The following FGGY variants were observed in gnomAD, a reference collection of about 807,000 sequenced individuals.
FGGY encodes the protein FGGY carbohydrate kinase domain containing.
In FGGY, 72 loss-of-function variants were observed where a neutral mutation model predicts 71.3. That is an observed-to-expected ratio of 1.01 (90% CI 0.84 to 1.23). FGGY has a LOEUF of 1.23. Ranked by LOEUF, FGGY falls within the 50% of genes most tolerant of loss-of-function variation. FGGY has a pLI of 0.00. For synonymous variants in FGGY, 251 were observed against 250.3 expected (o/e 1.00, Z -0.02); for missense variants, 668 against 682.3 (o/e 0.98, Z 0.23).
At chr1:59,479,276 G>A (rs567255554) in intron 6 of FGGY, among the ~76,000 whole-genome samples, 76 of 152,028 alleles carry the variant, frequency 5.0e-4, no homozygotes, top group African/African-American at 1.7e-3. Flanking sequence ...AGTGTGGGGG[G>A]AGAGAGAGAG....
chr1:59,425,951 A>G (rs2066289078), intron 5 of FGGY, among the ~76,000 whole-genome samples: 1 of 151,602 alleles, frequency 6.6e-6, no homozygotes, highest in Admixed American at 6.6e-5. Flanking sequence ...CACAATTCAT[A>G]TTTTTTTTTA....
At chr1:59,443,454 C>G (rs770010597) in intron 5 of FGGY, among the ~76,000 whole-genome samples, 9 of 152,106 alleles carry the variant, frequency 5.9e-5, no homozygotes, top group African/African-American at 1.2e-4. Context: ...TCCCCACCCC[C>G]CAACTAGTGG....
intron 5 of FGGY, among the ~76,000 whole-genome samples, chr1:59,417,348 G>T (rs1323175477): frequency 6.6e-6 from 1 of 152,166 alleles, no homozygotes; most frequent in African/African-American, 2.4e-5. Flanking sequence ...TGGACATTTA[G>T]ATTGTTTCAC....
intron 11 of FGGY, among the ~76,000 whole-genome samples, chr1:59,643,731 C>T (rs1220069390): frequency 6.6e-6 from 1 of 152,088 alleles, no homozygotes; most frequent in Non-Finnish European, 1.5e-5. Context: ...TTTAAATTTA[C>T]TCTATAGGAA....
chr1:59,376,133 A>G (rs1362809137), intron 4 of FGGY, among the ~76,000 whole-genome samples: 1 of 152,172 alleles, frequency 6.6e-6, no homozygotes, highest in East Asian at 1.9e-4. Flanking sequence ...CTCAAAGGCT[A>G]CCATTTTCTG....
At chr1:59,489,675 A>G (rs1206876828) in intron 6 of FGGY, among the ~76,000 whole-genome samples, 2 of 152,188 alleles carry the variant, frequency 1.3e-5, no homozygotes, top group Non-Finnish European at 2.9e-5. Flanking sequence ...GCTGCAGTAA[A>G]TGGGAGTAAA....
chr1:59,322,407 C>G, intron 2 of FGGY, among the ~76,000 whole-genome samples: 1 of 151,738 alleles, frequency 6.6e-6, no homozygotes, highest in East Asian at 1.9e-4. Context: ...GCAGTGTACA[C>G]TGTACCCAAT....
intron 6 of FGGY, among the ~76,000 whole-genome samples, chr1:59,472,546 CCT>C (rs2093013518): frequency 6.6e-6 from 1 of 152,264 alleles, no homozygotes; most frequent in African/African-American, 2.4e-5. Flanking sequence ...CAGCTGGGCT[CCT>C]GAGTCTGGTG....
At chr1:59,462,879 C>A (rs1055757062) in intron 6 of FGGY, among the ~76,000 whole-genome samples, 2 of 151,578 alleles carry the variant, frequency 1.3e-5, no homozygotes, top group African/African-American at 2.4e-5. Flanking sequence ...ACTAGTTCAA[C>A]CATTGTGGAA....
intron 14 of FGGY, among the ~76,000 whole-genome samples, chr1:59,723,563 T>G (rs58813655): frequency 0.027 from 3,431 of 128,942 alleles, 94 homozygotes; most frequent in African/African-American, 0.074. Context: ...TGTTTTTTTT[T>G]GGGGGGGGGT....
chr1:59,555,650 T>G (rs1167136243), intron 8 of FGGY, among the ~76,000 whole-genome samples: 1 of 152,154 alleles, frequency 6.6e-6, no homozygotes, highest in East Asian at 1.9e-4. Context: ...GGAAATAGAT[T>G]TCCTTCTGTT....
intron 8 of FGGY, among the ~76,000 whole-genome samples, chr1:59,588,205 T>C (rs1251259188): frequency 2.6e-5 from 4 of 151,940 alleles, no homozygotes; most frequent in Non-Finnish European, 5.9e-5. Flanking sequence ...GGATGGAAGA[T>C]GAAGCGAATG....
At chr1:59,622,515 A>G (rs1024857079) in intron 9 of FGGY, among the ~76,000 whole-genome samples, 1 of 152,160 alleles carries the variant, frequency 6.6e-6, no homozygotes, top group Admixed American at 6.6e-5. Flanking sequence ...TGTGATGAAC[A>G]TGTCCTAAAA....
intron 5 of FGGY, among the ~76,000 whole-genome samples, chr1:59,397,206 A>C (rs985436340): frequency 2.0e-5 from 3 of 152,304 alleles, no homozygotes; most frequent in Non-Finnish European, 4.4e-5. Context: ...TCTATTAATA[A>C]AGACAAATTA....
At chr1:59,427,731 T>A (rs1239265539) in intron 5 of FGGY, among the ~76,000 whole-genome samples, 1 of 152,176 alleles carries the variant, frequency 6.6e-6, no homozygotes, top group Non-Finnish European at 1.5e-5. Context: ...GACAAGGCAG[T>A]CAAAGTACCT....
At chr1:59,618,095 A>T (rs1424487823) in intron 9 of FGGY, among the ~76,000 whole-genome samples, 2 of 152,102 alleles carry the variant, frequency 1.3e-5, no homozygotes, top group Non-Finnish European at 2.9e-5. Flanking sequence ...GAGTGATTCC[A>T]CTGGGCCAGC....
chr1:59,576,671 CAG>C lies in FGGY; in HGVS notation c.903+22446_903+22447del, dbSNP rs1236295145. Among the ~76,000 whole-genome samples, 299 of 136,554 alleles carry C rather than the reference CAG, an allele frequency of 2.2e-3. 1 individual carries two copies. The highest frequency in any genetic ancestry group is 1.7e-3 in the African/African-American group (60 of 36,082). 89.6% of individuals were successfully genotyped at this position (136,554 alleles called of 152,430 possible). On this transcript the variant is annotated intron_variant, in intron 8 of 15. Transcript: ENST00000303721. ...TAGAGATTACAGACAGACAGACAGA[CAG>C]ACAGACACACACACACACACACACA...
At chr1:59,589,456 C>T (rs1414306857) in intron 8 of FGGY, among the ~76,000 whole-genome samples, 2 of 152,176 alleles carry the variant, frequency 1.3e-5, no homozygotes, top group Non-Finnish European at 2.9e-5. Flanking sequence ...ATCTACAGAA[C>T]TCTCCACCCC....
At chr1:59,366,292 TAAAC>T (rs1428694168) in intron 4 of FGGY, among the ~76,000 whole-genome samples, 2 of 152,236 alleles carry the variant, frequency 1.3e-5, no homozygotes, top group East Asian at 3.8e-4. Flanking sequence ...ATGTTACCGT[TAAAC>T]AAGTCCTCAT....
Sources: gnomAD v4.1 joint callset for allele counts (sites outside exome capture counted in the v4.1 genomes callset) on GRCh38, gnomAD v4.1.1 for gene constraint, MANE v1.5 for transcripts, NCBI Gene and HGNC (gene_info 2026-07-23, HGNC 2026-07-21) for gene names.